The following TP63 variants were observed in gnomAD, a reference collection of about 807,000 sequenced individuals.
TP63 encodes tumor protein p63, also known as tumor protein 63.
TP63 carries 17 observed loss-of-function variants against 82.8 expected under a neutral mutation model. The observed-to-expected ratio is 0.21, with a 90% CI of 0.14 to 0.31. TP63 has a LOEUF of 0.31. Among genes scored for constraint, TP63 ranks in the 10% least tolerant of loss-of-function variants. TP63 has a pLI of 1.00. For synonymous variants in TP63, 330 were observed against 321.7 expected, an observed-to-expected ratio of 1.03 and a Z score of -0.28; for missense variants, 648 against 895.3, an observed-to-expected ratio of 0.72 and a Z score of 3.52.
intron 1 of TP63, among the ~76,000 whole-genome samples, chr3:189,642,337 T>C (rs1399560925): frequency 6.6e-6 from 1 of 152,172 alleles, no homozygotes; most frequent in African/African-American, 2.4e-5. Context: ...GTAGTATTTA[T>C]TGAATTTTAA....
intron 12 of TP63, among the ~76,000 whole-genome samples, 174 bp from the exon 13 acceptor site, chr3:189,890,615 A>G (rs1720917276): frequency 6.6e-6 from 1 of 152,172 alleles, no homozygotes; most frequent in African/African-American, 2.4e-5. Context: ...ACTTCATGTC[A>G]CCAGTAATCT....
chr3:189,693,958 C>T (rs1717146062), intron 1 of TP63, among the ~76,000 whole-genome samples: 1 of 152,142 alleles, frequency 6.6e-6, no homozygotes, highest in South Asian at 2.1e-4. Context: ...TCTTTTATTA[C>T]ATGGCCATAT....
intron 1 of TP63, among the ~76,000 whole-genome samples, chr3:189,644,783 G>T (rs749785190): frequency 6.6e-6 from 1 of 152,052 alleles, no homozygotes; most frequent in African/African-American, 2.4e-5. Flanking sequence ...TACCATATTT[G>T]ATTTTCCATT....
intron 3 of TP63, among the ~76,000 whole-genome samples, chr3:189,764,926 T>C (rs1159422593): frequency 2.0e-5 from 3 of 152,178 alleles, no homozygotes; most frequent in Non-Finnish European, 4.4e-5. Flanking sequence ...TACCTGCTTT[T>C]CTTAAAATTA....
rs76906026 is a variant in TP63, at chr3:189,833,400, A to T, written c.579+24874A>T. 9.2e-3 allele frequency among the ~76,000 whole-genome samples: 1,408 copies of T among 152,350 alleles called. 7 individuals carry two copies. The highest frequency in any genetic ancestry group is 0.015 in the Non-Finnish European group (1,021 of 68,028). On this transcript the variant is annotated intron_variant, in intron 4 of 13. Transcript: ENST00000264731. The stretch of plus-strand genomic sequence containing the variant: ...TTATGAGCATGTTTAGGATTATGTA[A>T]GTACAGTGTCTTCATAACAAGCCCA...
At chr3:189,839,040 T>TAAAAAAAAAAAAAAAAAAAAAAAAAA (rs5855274) in intron 4 of TP63, among the ~76,000 whole-genome samples, 1 of 88,606 alleles carries the variant, frequency 1.1e-5, no homozygotes, top group Non-Finnish European at 2.1e-5. Context: ...TATCCTAAGC[T>TAAAAAAAAAAAAAAAAAAAAAAAAAA]AAAAAAAAAA....
At chr3:189,652,466 A>G (rs1012826914) in intron 1 of TP63, among the ~76,000 whole-genome samples, 1 of 147,118 alleles carries the variant, frequency 6.8e-6, no homozygotes. Flanking sequence ...GTATCTAGGA[A>G]GTAACTAGCT....
intron 4 of TP63, among the ~76,000 whole-genome samples, chr3:189,833,593 C>A (rs896888285): frequency 6.6e-6 from 1 of 152,118 alleles, no homozygotes; most frequent in Non-Finnish European, 1.5e-5. Flanking sequence ...CAATACTAAA[C>A]TCTTAATTCC....
intron 1 of TP63, among the ~76,000 whole-genome samples, chr3:189,716,039 C>T (rs555521614): frequency 5.3e-5 from 8 of 152,216 alleles, no homozygotes; most frequent in Admixed American, 1.3e-4. Flanking sequence ...ACTCATACAG[C>T]GATATAGCAC....
chr3:189,749,848 G>T (rs772804513), intron 3 of TP63, among the ~76,000 whole-genome samples: 56 of 152,130 alleles, frequency 3.7e-4, no homozygotes, highest in Non-Finnish European at 6.6e-4. Context: ...TGAAGGCCAG[G>T]TGCGGTGGCT....
chr3:189,876,203 A>G (rs936803567), intron 10 of TP63, among the ~76,000 whole-genome samples: 5 of 152,322 alleles, frequency 3.3e-5, no homozygotes, highest in African/African-American at 1.2e-4. Context: ...ATTGTTTTAG[A>G]AACTTGACAA....
At chr3:189,654,838 T>C (rs920099833) in intron 1 of TP63, among the ~76,000 whole-genome samples, 7 of 152,206 alleles carry the variant, frequency 4.6e-5, no homozygotes, top group South Asian at 4.1e-4. Flanking sequence ...TTATTTTCCA[T>C]TGTAACATGC....
At chr3:189,892,827 T>G (rs929449095) in intron 13 of TP63, among the ~76,000 whole-genome samples, 1 of 152,192 alleles carries the variant, frequency 6.6e-6, no homozygotes, top group Non-Finnish European at 1.5e-5. Context: ...TATTTTTTTG[T>G]GGATTACCTT....
intron 1 of TP63, among the ~76,000 whole-genome samples, chr3:189,645,752 A>G (rs961702175): frequency 6.8e-6 from 1 of 145,998 alleles, no homozygotes; most frequent in Admixed American, 6.7e-5. Flanking sequence ...GAGAACATGC[A>G]GTGTTTGGTT....
intron 3 of TP63, chr3:189,789,551 G>A (rs1285721437): frequency 4.6e-6 from 3 of 654,136 alleles, no homozygotes; most frequent in Non-Finnish European, 4.3e-6. Context: ...TCACTCCATT[G>A]GAGTGGAGGA....
chr3:189,746,672 G>T (rs948831675), intron 3 of TP63, among the ~76,000 whole-genome samples: 3 of 151,342 alleles, frequency 2.0e-5, no homozygotes, highest in Non-Finnish European at 2.9e-5. Flanking sequence ...TAATAAAATG[G>T]CAGGTGTAAG....
chr3:189,881,861 C>G (rs6804988), intron 10 of TP63, among the ~76,000 whole-genome samples: 1 of 152,104 alleles, frequency 6.6e-6, no homozygotes, highest in African/African-American at 2.4e-5. Flanking sequence ...GAATTTCAAT[C>G]AAATCCAAAT....
At chr3:189,666,980 A>G (rs1714442956) in intron 1 of TP63, among the ~76,000 whole-genome samples, 1 of 150,644 alleles carries the variant, frequency 6.6e-6, no homozygotes, top group African/African-American at 2.4e-5. Flanking sequence ...ATATAAGAAA[A>G]CTTTTCAGGC....
At chr3:189,822,214 A>G (rs1728869821) in intron 4 of TP63, among the ~76,000 whole-genome samples, 1 of 152,190 alleles carries the variant, frequency 6.6e-6, no homozygotes, top group Admixed American at 6.5e-5. Context: ...ATTAGGATGG[A>G]TCATAGATTT....
Sources: allele counts gnomAD v4.1 joint callset (sites outside exome capture counted in the v4.1 genomes callset), GRCh38; gene constraint gnomAD v4.1.1; transcripts MANE v1.5; gene names NCBI Gene and HGNC (gene_info 2026-07-23, HGNC 2026-07-21).